Variants in SOX6 observed in about 807,000 individuals in gnomAD.
The protein encoded by SOX6 is transcription factor SOX-6.
Under a neutral mutation model 97.8 loss-of-function variants are expected in SOX6, and 11 were observed. That is an observed-to-expected ratio of 0.11 (90% CI 0.07 to 0.19). The LOEUF is 0.19. SOX6 is among the 10% of genes least tolerant of loss of function. The probability of loss-of-function intolerance (pLI) is 1.00; values close to 1 mark genes in which losing one functional copy is unlikely to be tolerated. For synonymous variants in SOX6, 360 were observed against 371.4 expected, an observed-to-expected ratio of 0.97 and a Z score of 0.35; for missense variants, 810 against 1,039.5, an observed-to-expected ratio of 0.78 and a Z score of 3.04.
Position 16,639,253 on chromosome 11 carries a change from T to C in SOX6, n.430-26993A>G, listed in dbSNP as rs866360191. On this transcript the variant is annotated intron_variant and non_coding_transcript_variant, in intron 3 of 5. Coordinates refer to the SOX6 transcript ENST00000524520. ...TGTGTGGCATTATTTCTGAGGGCTCTGTTCTGTTCCATTGGTATATATCTC... is the reference window on the plus strand; with the variant it reads ...TGTGTGGCATTATTTCTGAGGGCTCCGTTCTGTTCCATTGGTATATATCTC... Among the ~76,000 whole-genome samples, 5 of 152,348 alleles carry C rather than the reference T, an allele frequency of 3.3e-5. No individual in the cohort carries two copies. In the Middle Eastern group the frequency reaches 0.01, roughly 311 times the overall value.
intron 13 of SOX6, among the ~76,000 whole-genome samples, chr11:15,990,566 G>C (rs1854017956): frequency 6.6e-6 from 1 of 152,048 alleles, no homozygotes; most frequent in Admixed American, 6.6e-5. Flanking sequence ...ATTAATGCAT[G>C]AATGAATAAA....
intron 1 of SOX6, among the ~76,000 whole-genome samples, chr11:16,396,852 C>T (rs893166552): frequency 6.6e-6 from 1 of 151,410 alleles, no homozygotes; most frequent in African/African-American, 2.4e-5. Flanking sequence ...ACTTAATTTT[C>T]TTTGTACAAA....
intron 2 of SOX6, among the ~76,000 whole-genome samples, chr11:16,716,566 G>T (rs1246348074): frequency 2.0e-5 from 3 of 151,990 alleles, no homozygotes; most frequent in African/African-American, 7.3e-5. Context: ...AAACCTTTTG[G>T]CATTATTATC....
intron 9 of SOX6, among the ~76,000 whole-genome samples, chr11:16,085,091 CA>C (rs1476295290): frequency 1.3e-5 from 2 of 152,128 alleles, no homozygotes; most frequent in Admixed American, 1.3e-4. Flanking sequence ...ATGTCTGAGC[CA>C]ATGACATAAC....
chr11:16,373,873 AAGGAAGGAAGGAAGGG>A (rs1307196468), intron 1 of SOX6, among the ~76,000 whole-genome samples: 5,734 of 15,132 alleles, frequency 0.38, 567 homozygotes, highest in Non-Finnish European at 0.39. Flanking sequence ...GGAAGGAAGG[AAGGAAGGAAGGAAGGG>A]AGGGAGGGAG....
intron 9 of SOX6, among the ~76,000 whole-genome samples, chr11:16,071,832 G>C (rs1260664874): frequency 6.6e-6 from 1 of 151,310 alleles, no homozygotes; most frequent in Non-Finnish European, 1.5e-5. Context: ...GCTCCTTCAA[G>C]ACCCAGACTA....
In SOX6 at chr11:16,605,573, G is replaced by A. The variant is rs1848325096; in HGVS notation, n.609+6508C>T. Among the ~76,000 whole-genome samples the A allele has an allele frequency of 2.0e-5, 3 of 152,234 alleles. No individual in the cohort carries two copies. In the South Asian group the frequency reaches 6.2e-4, roughly 32 times the overall value. ...GAGCGGCGGTGGGGTGAGGGTGGGA[G>A]GAGGGAGCGCAAGCGTTTTCTAGCG... On this transcript the variant is annotated intron_variant and non_coding_transcript_variant, in intron 4 of 5. Transcript: ENST00000524520. The surrounding 1 kb of genome is among the most constrained non-coding windows in gnomAD (Gnocchi z 5.3).
rs185619694 is a variant in SOX6 at position 16,661,588 on chromosome 11, C to T, written n.430-49328G>A. On this transcript the variant is annotated intron_variant and non_coding_transcript_variant, in intron 3 of 5. Transcript: ENST00000524520. ...TTTGAGACAAGGTCCTGCTCTGTCA[C>T]GAAGGCTGAAGTACAGTGGCGGGGG... is the stretch of plus-strand genomic sequence containing the variant. Among the ~76,000 whole-genome samples the T allele has an allele frequency of 1.4e-4, 21 of 152,180 alleles. No individual in the cohort carries two copies. The East Asian group carries it at 1.5e-3, about 11-fold the overall frequency.
chr11:16,007,613 C>T (rs1854595074), intron 13 of SOX6, among the ~76,000 whole-genome samples: 1 of 152,128 alleles, frequency 6.6e-6, no homozygotes, highest in South Asian at 2.1e-4. Context: ...ATTTAAAGCA[C>T]ATTCATAACT....
At chr11:16,205,451 ATAAGAG>A (rs1480674255) in intron 4 of SOX6, among the ~76,000 whole-genome samples, 2 of 152,098 alleles carry the variant, frequency 1.3e-5, no homozygotes, top group African/African-American at 2.4e-5. Flanking sequence ...TTTCCTTTTA[ATAAGAG>A]TAAGAGCTTA....
intron 3 of SOX6, among the ~76,000 whole-genome samples, chr11:16,257,525 C>T (rs1475224965): frequency 1.3e-5 from 2 of 151,872 alleles, no homozygotes; most frequent in Admixed American, 6.6e-5. Context: ...GGAGTCTAGA[C>T]ATATATCTTA....
At chr11:16,606,230 CT>C (rs5789958) in intron 4 of SOX6, among the ~76,000 whole-genome samples, 42,147 of 144,070 alleles carry the variant, frequency 0.29, 7,242 homozygotes, top group East Asian at 0.53. Context: ...CCTCTTTTTT[CT>C]TTTTTTTTTT....
chr11:16,193,456 T>C (rs1851685368), intron 4 of SOX6, among the ~76,000 whole-genome samples: 1 of 152,336 alleles, frequency 6.6e-6, no homozygotes, highest in East Asian at 1.9e-4. Context: ...TGGCATTCTC[T>C]AGAAACATGT....
chr11:16,485,416 G>A (rs568546936), intron 4 of SOX6, among the ~76,000 whole-genome samples: 32 of 152,040 alleles, frequency 2.1e-4, no homozygotes, highest in African/African-American at 7.0e-4. Context: ...TGAGACCCCC[G>A]TCTCTACAAA....
At chr11:16,371,099 T>C (rs1309233316) in intron 1 of SOX6, among the ~76,000 whole-genome samples, 2 of 152,156 alleles carry the variant, frequency 1.3e-5, no homozygotes, top group Non-Finnish European at 2.9e-5. Flanking sequence ...CACATTCCTA[T>C]TTAACCCGGC....
intron 4 of SOX6, among the ~76,000 whole-genome samples, chr11:16,213,859 T>C (rs1852294845): frequency 6.6e-6 from 1 of 152,202 alleles, no homozygotes; most frequent in African/African-American, 2.4e-5. Context: ...GAAAGCTCAC[T>C]AAATTTGACA....
In SOX6 at chr11:16,193,898, A is replaced by T. The variant is rs185496177; in HGVS notation, c.536-6943T>A. Among the ~76,000 whole-genome samples, 21 of 152,318 alleles carry T rather than the reference A, an allele frequency of 1.4e-4. No homozygotes were observed. The East Asian group carries it at 4.0e-3, about 29-fold the overall frequency. ...TTCTACCCACAGATAACCTGGGAAA[A>T]CTGCTGCATCTTTACACTGCAGCCT... On this transcript the variant is annotated intron_variant, in intron 4 of 15. Transcript: ENST00000683767.
intron 2 of SOX6, among the ~76,000 whole-genome samples, chr11:16,726,719 G>A (rs1848309097): frequency 6.6e-6 from 1 of 152,010 alleles, no homozygotes; most frequent in Non-Finnish European, 1.5e-5. Context: ...ACAAATATGG[G>A]GACTGATGAG....
At chr11:16,379,323 G>A (rs1050870266) in intron 1 of SOX6, among the ~76,000 whole-genome samples, 7 of 151,858 alleles carry the variant, frequency 4.6e-5, no homozygotes, top group South Asian at 2.1e-4. Flanking sequence ...AAAATCCACC[G>A]GGCATGGTGG....
Sources: allele counts gnomAD v4.1 joint callset (sites outside exome capture counted in the v4.1 genomes callset), GRCh38; gene constraint gnomAD v4.1.1; non-coding constraint Gnocchi (gnomAD v3.1); transcripts MANE v1.5; gene names NCBI Gene and HGNC (gene_info 2026-07-23, HGNC 2026-07-21).